ASAP1: variants seen among roughly 807,000 people sequenced by gnomAD.
The protein encoded by ASAP1 is arf-GAP with SH3 domain, ANK repeat and PH domain-containing protein 1.
In ASAP1, 43 loss-of-function variants were observed where a neutral mutation model predicts 145.2. The observed-to-expected ratio is 0.30, with a 90% confidence interval of 0.23 to 0.38. The LOEUF (loss-of-function observed/expected upper bound fraction) is 0.38. ASAP1 is among the 10% of genes least tolerant of loss of function. The pLI, the probability that ASAP1 is intolerant of heterozygous loss-of-function variation, is 1.00. For synonymous variants in ASAP1, 546 were observed against 515.5 expected (o/e 1.06, Z -0.80); for missense variants, 1,018 against 1,355.3 (o/e 0.75, Z 3.91).
chr8:130,091,157 C>T (rs1212511649), intron 25 of ASAP1, among the ~76,000 whole-genome samples: 2 of 152,174 alleles, frequency 1.3e-5, no homozygotes, highest in Non-Finnish European at 2.9e-5. Context: ...CAAGTGATTC[C>T]TGAATATTCA....
intron 3 of ASAP1, among the ~76,000 whole-genome samples, chr8:130,326,393 G>T (rs1378907936): frequency 6.6e-6 from 1 of 152,230 alleles, no homozygotes; most frequent in Non-Finnish European, 1.5e-5. Flanking sequence ...AAACATCAGT[G>T]CTGCAATAGG....
intron 6 of ASAP1, 127 bp from the exon 7 acceptor site, chr8:130,187,412 G>T: frequency 1.4e-6 from 1 of 732,446 alleles, no homozygotes. Context: ...CTTTATGCAC[G>T]TTACACCATT....
chr8:130,232,742 A>C (rs1194401172), intron 4 of ASAP1, among the ~76,000 whole-genome samples: 1 of 152,208 alleles, frequency 6.6e-6, no homozygotes, highest in East Asian at 1.9e-4. Flanking sequence ...GCCATTTTTC[A>C]AATCACTTTG....
intron 25 of ASAP1, among the ~76,000 whole-genome samples, chr8:130,080,494 T>TC (rs2097476922): frequency 6.7e-6 from 1 of 149,308 alleles, no homozygotes; most frequent in Admixed American, 6.7e-5. Context: ...TTTTTTTTTT[T>TC]TGAGACAGTC....
At chr8:130,173,763 G>A (rs1391586330) in intron 9 of ASAP1, among the ~76,000 whole-genome samples, 1 of 148,578 alleles carries the variant, frequency 6.7e-6, no homozygotes, top group Admixed American at 6.8e-5. Flanking sequence ...GTGAGACTCT[G>A]ACTCAAAAAG....
intron 4 of ASAP1, among the ~76,000 whole-genome samples, chr8:130,218,133 T>A (rs1354489127): frequency 1.3e-5 from 2 of 152,008 alleles, no homozygotes; most frequent in African/African-American, 4.8e-5. Context: ...CTCCCTCATG[T>A]GCTGGAGCTA....
At chr8:130,422,449 C>A (rs562665379) in intron 1 of ASAP1, among the ~76,000 whole-genome samples, 2 of 152,228 alleles carry the variant, frequency 1.3e-5, no homozygotes, top group Non-Finnish European at 2.9e-5. Flanking sequence ...ACCCACGCTT[C>A]CTGGCTCCTG....
chr8:130,070,094 T>C (rs922839324), intron 27 of ASAP1, among the ~76,000 whole-genome samples: 1 of 152,200 alleles, frequency 6.6e-6, no homozygotes, highest in African/African-American at 2.4e-5. Flanking sequence ...TGGAGTGCAG[T>C]GGCGCAATCT....
chr8:130,387,541 A>G (rs1205447212), intron 2 of ASAP1, among the ~76,000 whole-genome samples: 1 of 130,152 alleles, frequency 7.7e-6, no homozygotes, highest in Non-Finnish European at 1.7e-5. Context: ...ATCAAGAAAG[A>G]AAAAAAAAAA....
intron 3 of ASAP1, among the ~76,000 whole-genome samples, chr8:130,316,306 T>C (rs1308941912): frequency 5.9e-5 from 9 of 152,198 alleles, no homozygotes; most frequent in Admixed American, 5.9e-4. Flanking sequence ...GCAGTTTTGG[T>C]ATCCATATTG....
At chr8:130,189,555 T>C (rs1172725505) in intron 5 of ASAP1, among the ~76,000 whole-genome samples, 3 of 152,230 alleles carry the variant, frequency 2.0e-5, no homozygotes, top group South Asian at 4.1e-4. Flanking sequence ...TACTCAACTG[T>C]TGATGGACAC....
Position 130,245,088 on chromosome 8 carries a change from C to A in ASAP1, c.187-8094G>T, listed in dbSNP as rs75188202. Among the ~76,000 whole-genome samples, 824 of 152,044 alleles carry A rather than the reference C, an allele frequency of 5.4e-3. 33 individuals carry two copies. In the East Asian group the frequency reaches 0.097, roughly 18 times the overall value. On this transcript the variant is annotated intron_variant, in intron 3 of 29. Coordinates refer to ENST00000518721, the MANE Select transcript of ASAP1 (RefSeq NM_018482.4). ...AACAGAGGAAGAGGGACCTGGCAGC[C>A]GCAGCTTATATGAAAGGAAGAGGTA...
intron 7 of ASAP1, among the ~76,000 whole-genome samples, chr8:130,184,851 G>A (rs530589805): frequency 3.9e-5 from 6 of 152,132 alleles, no homozygotes; most frequent in Middle Eastern, 3.4e-3. Flanking sequence ...ACCTTATCTC[G>A]TCCTCACAAA....
chr8:130,381,026 G>C (rs1827742982), intron 2 of ASAP1, among the ~76,000 whole-genome samples: 1 of 152,104 alleles, frequency 6.6e-6, no homozygotes, highest in Non-Finnish European at 1.5e-5. Flanking sequence ...TGGGACTACA[G>C]GTATGCAATA....
intron 13 of ASAP1, among the ~76,000 whole-genome samples, chr8:130,140,496 CT>C (rs1565007737): frequency 6.6e-6 from 1 of 151,954 alleles, no homozygotes; most frequent in African/African-American, 2.4e-5. Context: ...CAATAGTTAC[CT>C]TTTCTGCTCC....
intron 1 of ASAP1, among the ~76,000 whole-genome samples, chr8:130,430,939 C>A (rs1237826652): frequency 1.3e-5 from 2 of 152,080 alleles, no homozygotes; most frequent in Non-Finnish European, 2.9e-5. Context: ...AGGAGAAGAC[C>A]GGAGAGAAGG....
At chr8:130,164,828 G>T (rs2097676671) in intron 11 of ASAP1, among the ~76,000 whole-genome samples, 1 of 152,142 alleles carries the variant, frequency 6.6e-6, no homozygotes, top group Non-Finnish European at 1.5e-5. Context: ...GGATGAGTAG[G>T]CTAAATGATT....
Position 130,220,057 on chromosome 8 carries a change from A to G in ASAP1, c.260-5356T>C, listed in dbSNP as rs138277000. On this transcript the variant is annotated intron_variant, in intron 4 of 29. Transcript: ENST00000518721. ...TCCCACATTGGCCACCCAAAGTGCT[A>G]GGATTTACAGGTGTAAGCCACCACG... Among the ~76,000 whole-genome samples the G allele has an allele frequency of 4.2e-3, 635 of 152,282 alleles. 10 individuals carry two copies. Among genetic ancestry groups the G allele is most frequent in the Admixed American group, 0.023 (352 of 15,300 alleles).
chr8:130,196,991 A>C (rs921073788), intron 5 of ASAP1, among the ~76,000 whole-genome samples: 1 of 152,268 alleles, frequency 6.6e-6, no homozygotes, highest in Non-Finnish European at 1.5e-5. Context: ...TTTCCAAGGT[A>C]CTGTGATACA....
Sources: gnomAD v4.1 joint callset for allele counts (sites outside exome capture counted in the v4.1 genomes callset) on GRCh38, gnomAD v4.1.1 for gene constraint, MANE v1.5 for transcripts, NCBI Gene and HGNC (gene_info 2026-07-23, HGNC 2026-07-21) for gene names.